CLNK: variants seen among roughly 807,000 people sequenced by gnomAD.
The protein encoded by CLNK is cytokine dependent hematopoietic cell linker.
A neutral mutation model predicts 68.6 loss-of-function variants in CLNK; 74 were observed. That is an observed-to-expected ratio of 1.08 (90% CI 0.89 to 1.31). The LOEUF (loss-of-function observed/expected upper bound fraction) is 1.31. Ranked by LOEUF, CLNK falls within the 50% of genes most tolerant of loss-of-function variation. The pLI is 0.00. For synonymous variants in CLNK, 198 were observed against 172.2 expected, an observed-to-expected ratio of 1.15 and a Z score of -1.17; for missense variants, 553 against 515.3, an observed-to-expected ratio of 1.07 and a Z score of -0.71.
rs1009203498 is a variant in CLNK, at chr4:10,624,876, G to T, written c.12-26827C>A. 2.0e-5 allele frequency among the ~76,000 whole-genome samples: 3 copies of T among 152,110 alleles called. No individual in the cohort carries two copies. In the South Asian group the frequency reaches 6.2e-4, roughly 32 times the overall value. On this transcript the variant is annotated intron_variant, in intron 2 of 18. Coordinates refer to ENST00000226951, the MANE Select transcript of CLNK (RefSeq NM_052964.4). ...GCTGTGAGAAATAGACTTACAGAAG[G>T]AGATGTCCGCCCCACATCTCTAAAC... is the stretch of plus-strand genomic sequence containing the variant.
At chr4:10,668,552 T>G (rs973220954) in intron 1 of CLNK, among the ~76,000 whole-genome samples, 4 of 152,036 alleles carry the variant, frequency 2.6e-5, no homozygotes, top group Non-Finnish European at 5.9e-5. Context: ...ACTCTCAAAT[T>G]GGGTAATTTG....
intron 2 of CLNK, among the ~76,000 whole-genome samples, chr4:10,655,011 G>A (rs1027967163): frequency 6.8e-6 from 1 of 147,324 alleles, no homozygotes; most frequent in Non-Finnish European, 1.5e-5. Flanking sequence ...TGAGGCAGGA[G>A]AATGGCGTGA....
intron 13 of CLNK, among the ~76,000 whole-genome samples, chr4:10,527,197 G>A (rs778533715): frequency 4.6e-5 from 7 of 152,180 alleles, no homozygotes; most frequent in Admixed American, 6.5e-5. Context: ...AACAGTACCT[G>A]AACATTTTAG....
At chr4:10,587,818 T>C (rs1400673312) in intron 3 of CLNK, among the ~76,000 whole-genome samples, 4 of 152,182 alleles carry the variant, frequency 2.6e-5, no homozygotes, top group Admixed American at 2.6e-4. Flanking sequence ...CGGTCCCTAC[T>C]GTCTCCCCTA....
chr4:10,610,982 G>A (rs954653288), intron 2 of CLNK, among the ~76,000 whole-genome samples: 4 of 151,446 alleles, frequency 2.6e-5, no homozygotes, highest in Non-Finnish European at 4.4e-5. Flanking sequence ...TCAGGAGTTC[G>A]AGACCAGCCG....
Position 10,513,444 on chromosome 4 carries a change from G to T in CLNK, c.906+20C>A, listed in dbSNP as rs374276924. 2.5e-6 allele frequency: 4 copies of T among 1,604,884 alleles called. No individual in the cohort carries two copies. Among genetic ancestry groups the T allele is most frequent in the Non-Finnish European group, 3.4e-6 (4 of 1,175,306 alleles). On this transcript the variant is annotated intron_variant, in intron 16 of 18. Coordinates refer to ENST00000226951, the MANE Select transcript of CLNK (RefSeq NM_052964.4). The stretch of plus-strand genomic sequence containing the variant: ...TGCCAAGTACATCTAGAAGGACTTG[G>T]CAGAGAAGTGTCTGCTTACCTTTCT...
chr4:10,656,331 CAAAAAAAAAAA>C (rs33941894), intron 2 of CLNK, among the ~76,000 whole-genome samples: 1 of 89,448 alleles, frequency 1.1e-5, no homozygotes, highest in Non-Finnish European at 2.1e-5. Flanking sequence ...AATGCCTGAC[CAAAAAAAAAAA>C]AAAAAAAAAA....
intron 2 of CLNK, among the ~76,000 whole-genome samples, chr4:10,626,715 C>T (rs572909887): frequency 5.9e-5 from 9 of 152,278 alleles, no homozygotes; most frequent in African/African-American, 2.2e-4. Flanking sequence ...TCCATGAAAT[C>T]ATATTTGATG....
the CLNK span, among the ~76,000 whole-genome samples, chr4:10,715,350 C>A: frequency 6.6e-6 from 1 of 152,184 alleles, no homozygotes; most frequent in Non-Finnish European, 1.5e-5. Context: ...TCCACCCCGC[C>A]CCATCATAAT....
intron 2 of CLNK, among the ~76,000 whole-genome samples, chr4:10,614,855 T>C (rs988645959): frequency 6.6e-6 from 1 of 152,246 alleles, no homozygotes; most frequent in African/African-American, 2.4e-5. Flanking sequence ...ATCTGGTTGC[T>C]ATCAGTTCTG....
intron 7 of CLNK, among the ~76,000 whole-genome samples, chr4:10,564,397 T>G (rs1720014422): frequency 6.6e-6 from 1 of 152,220 alleles, no homozygotes; most frequent in South Asian, 2.1e-4. Context: ...CGATGAGCAT[T>G]AGATGAGATG....
chr4:10,635,501 CT>C (rs1481595286), intron 2 of CLNK, among the ~76,000 whole-genome samples: 1 of 152,142 alleles, frequency 6.6e-6, no homozygotes, highest in Non-Finnish European at 1.5e-5. Flanking sequence ...GTGATATATA[CT>C]TAGATACTCT....
chr4:10,561,522 G>C (rs1422539206), intron 7 of CLNK, among the ~76,000 whole-genome samples: 2 of 152,194 alleles, frequency 1.3e-5, no homozygotes, highest in African/African-American at 4.8e-5. Flanking sequence ...TTACCTATGT[G>C]AAAAGGGATT....
At position 10,545,005 on chromosome 4, in the gene CLNK, A is replaced by G. The variant is rs78444515; in HGVS notation, c.446-2725T>C. Among the ~76,000 whole-genome samples, 1,358 of 152,268 alleles carry G rather than the reference A, an allele frequency of 8.9e-3. 47 individuals carry two copies. The East Asian group carries it at 0.12, about 13-fold the overall frequency. Reference sequence around the variant, plus strand: ...ATCTATTTATGAGGACAGAGTCCTCATCATACAATCACCTCTTAAAGGTCT... The same window carrying G: ...ATCTATTTATGAGGACAGAGTCCTCGTCATACAATCACCTCTTAAAGGTCT... On this transcript the variant is annotated intron_variant, in intron 8 of 18. Coordinates refer to ENST00000226951, the MANE Select transcript of CLNK (RefSeq NM_052964.4).
chr4:10,633,829 C>T (rs1481662623), intron 2 of CLNK, among the ~76,000 whole-genome samples: 1 of 152,200 alleles, frequency 6.6e-6, no homozygotes, highest in Admixed American at 6.5e-5. Context: ...TACAATATTT[C>T]ATTTGTTCCC....
At chr4:10,549,555 C>T (rs1007517866) in intron 8 of CLNK, among the ~76,000 whole-genome samples, 2 of 152,106 alleles carry the variant, frequency 1.3e-5, no homozygotes, top group South Asian at 4.2e-4. Flanking sequence ...GAATGAATTT[C>T]CCCATCTGGA....
chr4:10,585,782 TG>T (rs1287643142), intron 3 of CLNK, among the ~76,000 whole-genome samples: 1 of 152,178 alleles, frequency 6.6e-6, no homozygotes, highest in Admixed American at 6.5e-5. Context: ...CAAGATCTCT[TG>T]AAAAAATAAT....
chr4:10,622,460 T>G (rs1228613075), intron 2 of CLNK, among the ~76,000 whole-genome samples: 2 of 152,216 alleles, frequency 1.3e-5, no homozygotes, highest in Non-Finnish European at 2.9e-5. Flanking sequence ...CAACAACTCA[T>G]GGCTAACTGC....
intron 1 of CLNK, among the ~76,000 whole-genome samples, chr4:10,670,269 ATATTAG>A (rs1412659328): frequency 6.6e-6 from 1 of 152,238 alleles, no homozygotes; most frequent in Non-Finnish European, 1.5e-5. Context: ...CAATTTTTGA[ATATTAG>A]TATTTATAGA....
Sources: gnomAD v4.1 joint callset for allele counts (sites outside exome capture counted in the v4.1 genomes callset) on GRCh38, gnomAD v4.1.1 for gene constraint, MANE v1.5 for transcripts, NCBI Gene and HGNC (gene_info 2026-07-23, HGNC 2026-07-21) for gene names.